CNKSR3: variants seen among roughly 807,000 people sequenced by gnomAD.
CNKSR3 encodes the protein connector enhancer of kinase suppressor of ras 3.
A neutral mutation model predicts 67.7 loss-of-function variants in CNKSR3; 36 were observed. The ratio of observed to expected loss-of-function variants is 0.53; its 90% CI spans 0.41 to 0.70. The LOEUF is 0.70. CNKSR3 is among the 30% of genes least tolerant of loss of function. CNKSR3 has a pLI of 0.00. For missense variants in CNKSR3, 630 were observed against 695.2 expected, an observed-to-expected ratio of 0.91 and a Z score of 1.05; for synonymous variants, 281 against 271.4, an observed-to-expected ratio of 1.04 and a Z score of -0.35.
intron 1 of CNKSR3, among the ~76,000 whole-genome samples, chr6:154,491,981 C>A (rs1292195343): frequency 6.6e-6 from 1 of 152,286 alleles, no homozygotes; most frequent in Middle Eastern, 3.4e-3. Context: ...CTTAGGACAT[C>A]GATTCCTCTC....
intron 1 of CNKSR3, among the ~76,000 whole-genome samples, chr6:154,488,438 T>C (rs1406929988): frequency 6.6e-6 from 1 of 152,204 alleles, no homozygotes; most frequent in Admixed American, 6.5e-5. Context: ...CCTTAATTCA[T>C]GAGAGCATGA....
Position 154,445,289 on chromosome 6 carries a change from T to C in CNKSR3, c.217-2999A>G, listed in dbSNP as rs547869568. ...GCAGTATTTTTCTATCTAAATGTGA[T>C]ATTCATTTTTTGTTATTTTCTAGAG... On this transcript the variant is annotated intron_variant, in intron 2 of 12. Coordinates refer to ENST00000607772, the MANE Select transcript of CNKSR3 (RefSeq NM_173515.4). 3.3e-5 allele frequency among the ~76,000 whole-genome samples: 5 copies of C among 152,334 alleles called. No homozygotes were observed. In the South Asian group the frequency reaches 6.2e-4, roughly 19 times the overall value.
chr6:154,466,076 T>C (rs1321980116), intron 1 of CNKSR3, among the ~76,000 whole-genome samples: 1 of 152,220 alleles, frequency 6.6e-6, no homozygotes, highest in Non-Finnish European at 1.5e-5. Context: ...AAATTTATTT[T>C]GAAAAAACTT....
intron 2 of CNKSR3, among the ~76,000 whole-genome samples, chr6:154,445,403 C>T (rs1785688910): frequency 6.6e-6 from 1 of 152,070 alleles, no homozygotes; most frequent in African/African-American, 2.4e-5. Context: ...GAATCAAAGA[C>T]TCACAATTGA....
intron 11 of CNKSR3, 126 bp downstream of exon 11, chr6:154,410,808 A>AG (rs999441595): frequency 1.4e-6 from 1 of 713,420 alleles, no homozygotes. Context: ...AATTTCATTG[A>AG]GGTTTATGTT....
At chr6:154,473,192 T>C (rs1309957787) in intron 1 of CNKSR3, among the ~76,000 whole-genome samples, 1 of 152,170 alleles carries the variant, frequency 6.6e-6, no homozygotes, top group African/African-American at 2.4e-5. Context: ...ATCTAGTTCA[T>C]TATGAGCTGA....
chr6:154,466,325 G>A (rs1040711406), intron 1 of CNKSR3, among the ~76,000 whole-genome samples: 6 of 152,180 alleles, frequency 3.9e-5, no homozygotes, highest in Non-Finnish European at 8.8e-5. Flanking sequence ...GTAGAGAAGG[G>A]CCAGTTCCCT....
chr6:154,436,329 G>A (rs1342064274), intron 4 of CNKSR3, among the ~76,000 whole-genome samples: 4 of 151,876 alleles, frequency 2.6e-5, no homozygotes, highest in East Asian at 1.9e-4. Flanking sequence ...ACACCACCAC[G>A]CTTGGCTAAC....
At position 154,406,096 on chromosome 6, in the gene CNKSR3, A is replaced by G. The variant is rs745825093; in HGVS notation, c.*258T>C. ...TTTCTAGCGCGTGTCTTCACATTCT[A>G]TCTCTGGGGAAGCAAGACAAACAGG... is the stretch of plus-strand genomic sequence containing the variant. On this transcript the variant is annotated 3_prime_UTR_variant, in exon 13 of 13. Transcript: ENST00000607772. The G allele has an allele frequency of 3.6e-5, 17 of 466,484 alleles. No homozygotes were observed. Among genetic ancestry groups the G allele is most frequent in the Middle Eastern group, 5.7e-4 (1 of 1,744 alleles). The allele number at this position is 466,484 out of a possible 1,614,324, so 28.9% of individuals were successfully genotyped here. A position where few individuals can be genotyped will look rare whatever the true frequency, so the allele number is the denominator to read the frequency against.
chr6:154,476,171 T>C (rs1461210944), intron 1 of CNKSR3, among the ~76,000 whole-genome samples: 1 of 152,046 alleles, frequency 6.6e-6, no homozygotes. Context: ...AAGACAGACC[T>C]TCGGGCCGGG....
Position 154,410,390 on chromosome 6 carries a change from A to G in CNKSR3, c.1322T>C (p.Met441Thr). 1 of 1,614,106 alleles carries G rather than the reference A, an allele frequency of 6.2e-7. No homozygotes were observed. Among genetic ancestry groups the G allele is most frequent in the Admixed American group, 1.7e-5 (1 of 60,022 alleles). ...TCTGGCAAAAGGGTCCACAATCCCCATCCAGTTCCCATCAGCAGGCATGGA... is the reference window on the plus strand; with the variant it reads ...TCTGGCAAAAGGGTCCACAATCCCCGTCCAGTTCCCATCAGCAGGCATGGA... ...PLSMPADGNW[M>T]GIVDPFARPR... Residue 441 changes from methionine (M) to threonine (T), a missense_variant, in exon 12 of 13, where the codon ATG (methionine) becomes ACG (threonine). Transcript: ENST00000607772.
chr6:154,404,145 T>A lies in CNKSR3; in HGVS notation c.*2209A>T, dbSNP rs893091808. 6.6e-6 allele frequency: 1 copy of A among 151,716 alleles called. No homozygotes were observed. Among genetic ancestry groups the A allele is most frequent in the African/African-American group, 2.4e-5 (1 of 41,296 alleles). The allele number at this position is 151,716 out of a possible 1,614,324, so 9.4% of individuals were successfully genotyped here. A position where few individuals can be genotyped will look rare whatever the true frequency, so the allele number is the denominator to read the frequency against. On this transcript the variant is annotated 3_prime_UTR_variant, in exon 13 of 13. Transcript: ENST00000607772. ...GGTCACACACTGCAAGCCTCTTCTCTCCATCTGCCAAACACCCTTGGGTCT... is the reference window on the plus strand; with the variant it reads ...GGTCACACACTGCAAGCCTCTTCTCACCATCTGCCAAACACCCTTGGGTCT...
At chr6:154,428,318 C>A in intron 6 of CNKSR3, 131 bp from the exon 7 acceptor site, 1 of 645,514 alleles carries the variant, frequency 1.5e-6, no homozygotes, top group Non-Finnish European at 2.8e-6. Flanking sequence ...CCTCCTGAAA[C>A]ATCGAGAAAC....
intron 10 of CNKSR3, among the ~76,000 whole-genome samples, chr6:154,412,759 A>C (rs1004281600): frequency 6.6e-6 from 1 of 152,218 alleles, no homozygotes; most frequent in Non-Finnish European, 1.5e-5. Context: ...GAAAACCAAC[A>C]AACAAAAAAT....
intron 1 of CNKSR3, among the ~76,000 whole-genome samples, chr6:154,480,485 G>A (rs142084396): frequency 5.1e-4 from 77 of 152,284 alleles, no homozygotes; most frequent in African/African-American, 1.7e-3. Flanking sequence ...CTTTGAGAGC[G>A]GCGGAGTCTC....
Position 154,464,440 on chromosome 6 carries a change from G to A in CNKSR3, c.53-14182C>T, listed in dbSNP as rs577369846. Reference sequence around the variant, plus strand: ...TAAAGAAAGACAAAGGCCTGGGCGGGGTGCAGTGACTCACACCTGTAATCC... The same window carrying A: ...TAAAGAAAGACAAAGGCCTGGGCGGAGTGCAGTGACTCACACCTGTAATCC... On this transcript the variant is annotated intron_variant, in intron 1 of 12. Transcript: ENST00000607772. 2.0e-5 allele frequency among the ~76,000 whole-genome samples: 3 copies of A among 152,330 alleles called. No individual in the cohort carries two copies. In the East Asian group the frequency reaches 5.8e-4, roughly 29 times the overall value.
chr6:154,413,378 C>T (rs1333208762), intron 10 of CNKSR3, among the ~76,000 whole-genome samples: 1 of 152,052 alleles, frequency 6.6e-6, no homozygotes, highest in African/African-American at 2.4e-5. Context: ...CACGGGTGCA[C>T]ACAACCACAC....
intron 1 of CNKSR3, among the ~76,000 whole-genome samples, chr6:154,472,803 A>G (rs12199105): frequency 7.2e-5 from 1 of 13,906 alleles, no homozygotes; most frequent in African/African-American, 5.3e-4. Context: ...CTTTAAAAGG[A>G]AAAAAAAAAA....
intron 1 of CNKSR3, among the ~76,000 whole-genome samples, chr6:154,491,286 T>C (rs1786780257): frequency 6.6e-6 from 1 of 152,220 alleles, no homozygotes; most frequent in Admixed American, 6.5e-5. Context: ...GTATTCCACT[T>C]AACTGAAGTC....
Sources: allele counts gnomAD v4.1 joint callset (sites outside exome capture counted in the v4.1 genomes callset), GRCh38; gene constraint gnomAD v4.1.1; transcripts MANE v1.5; gene names NCBI Gene and HGNC (gene_info 2026-07-23, HGNC 2026-07-21).